Variants in USP43 observed in about 807,000 individuals in gnomAD.
The protein encoded by USP43 is ubiquitin carboxyl-terminal hydrolase 43.
In USP43, 33 loss-of-function variants were observed where a neutral mutation model predicts 90.7. The ratio of observed to expected loss-of-function variants is 0.36; its 90% CI spans 0.28 to 0.49. USP43 has a LOEUF of 0.49. Among genes scored for constraint, USP43 ranks in the 20% least tolerant of loss-of-function variants. The probability of loss-of-function intolerance (pLI) is 0.98; values close to 1 mark genes in which losing one functional copy is unlikely to be tolerated. For synonymous variants in USP43, 598 were observed against 615.8 expected (o/e 0.97, Z 0.43); for missense variants, 1,274 against 1,476.4 (o/e 0.86, Z 2.25).
intron 12 of USP43, among the ~76,000 whole-genome samples, chr17:9,704,750 C>A (rs555005008): frequency 1.3e-5 from 2 of 152,186 alleles, no homozygotes; most frequent in Non-Finnish European, 2.9e-5. Context: ...CTTCCTACCC[C>A]CTGCAACCCC....
rs748910301 is a variant in USP43, at chr17:9,701,533, T to C, written c.1844T>C (p.Met615Thr). Residue 615 changes from methionine to threonine, a missense_variant, in exon 12 of 15, where the codon ATG becomes ACG. Transcript: ENST00000285199. The surrounding 1 kb of genome is among the most constrained non-coding windows in gnomAD (Gnocchi z 7.2). ...LVKFPLSGLNMAPHVAQRSTS... is the reference protein window; with the variant it reads ...LVKFPLSGLNTAPHVAQRSTS... ...AAGTTTCCGCTCTCTGGACTCAACATGGCTCCCCATGTGGCCCAGAGAAGC... is the reference window on the plus strand; with the variant it reads ...AAGTTTCCGCTCTCTGGACTCAACACGGCTCCCCATGTGGCCCAGAGAAGC... 5.7e-6 allele frequency: 9 copies of C among 1,565,640 alleles called. No individual in the cohort carries two copies. In the Admixed American group the frequency reaches 7.7e-5, roughly 13 times the overall value.
chr17:9,724,677 T>C (rs1184677295), intron 14 of USP43, among the ~76,000 whole-genome samples: 2 of 152,186 alleles, frequency 1.3e-5, no homozygotes, highest in East Asian at 3.9e-4. Context: ...CGAGACTCTG[T>C]CTCAAGAAAG....
chr17:9,726,069 A>G (rs1032247369), intron 14 of USP43, among the ~76,000 whole-genome samples: 1 of 152,114 alleles, frequency 6.6e-6, no homozygotes, highest in South Asian at 2.1e-4. Context: ...AAAAAATCAA[A>G]CATTCTTTAT....
intron 2 of USP43, among the ~76,000 whole-genome samples, chr17:9,659,607 C>T (rs181037797): frequency 6.6e-6 from 1 of 152,084 alleles, no homozygotes; most frequent in Non-Finnish European, 1.5e-5. Flanking sequence ...CTCTCCTCTC[C>T]CTGGCTGTAC....
At chr17:9,661,771 C>T (rs1043295557) in intron 2 of USP43, among the ~76,000 whole-genome samples, 1 of 139,166 alleles carries the variant, frequency 7.2e-6, no homozygotes, top group Non-Finnish European at 1.5e-5. Context: ...GAATGACCCC[C>T]TGCTGCCCCT....
At position 9,683,104 on chromosome 17, in the gene USP43, T is replaced by C. The variant is rs1032115966; in HGVS notation, c.1241+146T>C. 3 of 1,107,740 alleles carry C rather than the reference T, an allele frequency of 2.7e-6. No individual in the cohort carries two copies. The African/African-American group carries it at 4.7e-5, about 17-fold the overall frequency. The allele number at this position is 1,107,740 out of a possible 1,614,324, so 68.6% of individuals were successfully genotyped here. ...TAGGGTCCTTTCTGATTAAGAGGAT[T>C]AGAAATATCTGCCTTAAGCATTTGG... is the stretch of plus-strand genomic sequence containing the variant. On this transcript the variant is annotated intron_variant, in intron 7 of 14. Transcript: ENST00000285199.
chr17:9,669,156 C>G (rs375697068), intron 3 of USP43, among the ~76,000 whole-genome samples: 2 of 152,208 alleles, frequency 1.3e-5, no homozygotes, highest in African/African-American at 4.8e-5. Flanking sequence ...GCATCTGTCT[C>G]CTCTTCAGGT....
At chr17:9,699,871 A>G (rs1358335359) in intron 9 of USP43, among the ~76,000 whole-genome samples, 2 of 152,140 alleles carry the variant, frequency 1.3e-5, no homozygotes, top group Admixed American at 1.3e-4. Flanking sequence ...AGACATTGAG[A>G]AGGTAGCTGG....
chr17:9,649,766 T>C (rs893681451), intron 1 of USP43, among the ~76,000 whole-genome samples: 1 of 151,630 alleles, frequency 6.6e-6, no homozygotes, highest in Non-Finnish European at 1.5e-5. Context: ...AATATACTGA[T>C]ACGTTTCAAG....
At chr17:9,707,420 G>A (rs1160084630) in intron 12 of USP43, among the ~76,000 whole-genome samples, 1 of 152,058 alleles carries the variant, frequency 6.6e-6, no homozygotes, top group Non-Finnish European at 1.5e-5. Context: ...GCCGAGGTGG[G>A]CGGACCACGA....
chr17:9,729,041 C>A lies in USP43; in HGVS notation c.*51C>A. The A allele has an allele frequency of 6.9e-7, 1 of 1,452,740 alleles. No individual in the cohort carries two copies. The highest frequency in any genetic ancestry group is 1.4e-5 in the African/African-American group (1 of 69,678). The allele number at this position is 1,452,740 out of a possible 1,614,324, so 90.0% of individuals were successfully genotyped here. A position where few individuals can be genotyped will look rare whatever the true frequency, so the allele number is the denominator to read the frequency against. ...CTGGCATTCTTGGGACTTTGCCAAG[C>A]AACTGTAGGCAGCTCATGTTGAGAA... On this transcript the variant is annotated 3_prime_UTR_variant, in exon 15 of 15. Transcript: ENST00000285199.
At position 9,645,544 on chromosome 17, in the gene USP43, AG is replaced by A; in HGVS notation, c.-87del. ...ACCTGGCCCGCAGGTAGCCGGCACC[AG>A]GAGCCTTAGAGAAGCTGTAGGGCCT... On this transcript the variant is annotated 5_prime_UTR_variant, in exon 1 of 15. Transcript: ENST00000285199. This position sits in a 1 kb window ranked among gnomAD's most constrained non-coding sequence, Gnocchi z 6.8. The A allele has an allele frequency of 8.9e-7, 1 of 1,123,510 alleles. No homozygotes were observed. The highest frequency in any genetic ancestry group is 4.4e-5 in the East Asian group (1 of 22,508). 69.6% of individuals were successfully genotyped at this position (1,123,510 alleles called of 1,614,324 possible).
intron 2 of USP43, among the ~76,000 whole-genome samples, chr17:9,662,453 G>A (rs1912709808): frequency 6.6e-6 from 1 of 152,136 alleles, no homozygotes; most frequent in Admixed American, 6.5e-5. Flanking sequence ...ATGGAACGGG[G>A]GTTCTCCAGG....
chr17:9,655,084 G>GAAAAAAAAAAAAAAAAAAAAAAAAAAAA (rs57985388), intron 1 of USP43, among the ~76,000 whole-genome samples: 1 of 37,326 alleles, frequency 2.7e-5, no homozygotes, highest in African/African-American at 6.7e-5. Context: ...AGAAAGAAAG[G>GAAAAAAAAAAAAAAAAAAAAAAAAAAAA]AAAAAAAAAA....
In USP43 at chr17:9,729,160, C is replaced by A; in HGVS notation, c.*170C>A. On this transcript the variant is annotated 3_prime_UTR_variant, in exon 15 of 15. Coordinates refer to ENST00000285199, the MANE Select transcript of USP43 (RefSeq NM_153210.5). ...TCTCCATATCTAGACTTCCAACACC[C>A]AAGGTCCATATAACCCAAGGTCGAA... The A allele has an allele frequency of 1.9e-6, 1 of 534,302 alleles. No individual in the cohort carries two copies. Among genetic ancestry groups the A allele is most frequent in the Non-Finnish European group, 3.0e-6 (1 of 336,494 alleles). The allele number at this position is 534,302 out of a possible 1,614,324, so 33.1% of individuals were successfully genotyped here.
rs190524163 is a variant in USP43, at chr17:9,671,933, G to A, written c.741-2958G>A. On this transcript the variant is annotated intron_variant, in intron 3 of 14. Coordinates refer to ENST00000285199, the MANE Select transcript of USP43 (RefSeq NM_153210.5). Reference sequence around the variant, plus strand: ...GTCCTGATTTCTGAACCTTTGACACGTGGATGTATTTGACATCTTTCCTAT... The same window carrying A: ...GTCCTGATTTCTGAACCTTTGACACATGGATGTATTTGACATCTTTCCTAT... 4.3e-3 allele frequency among the ~76,000 whole-genome samples: 648 copies of A among 152,290 alleles called. 5 individuals carry two copies. Among genetic ancestry groups the A allele is most frequent in the African/African-American group, 0.012 (518 of 41,564 alleles).
chr17:9,725,427 G>A (rs1597902018), intron 14 of USP43, among the ~76,000 whole-genome samples: 1 of 152,216 alleles, frequency 6.6e-6, no homozygotes, highest in East Asian at 1.9e-4. Context: ...CTCCCCGGGG[G>A]AGGGGTACCA....
At chr17:9,648,290 A>G (rs1020369106) in intron 1 of USP43, among the ~76,000 whole-genome samples, 1 of 152,240 alleles carries the variant, frequency 6.6e-6, no homozygotes, top group Non-Finnish European at 1.5e-5. Context: ...ATTGAAATCT[A>G]GGTGAGCTCT....
chr17:9,668,960 T>G (rs1482582721), intron 3 of USP43, among the ~76,000 whole-genome samples: 1 of 152,010 alleles, frequency 6.6e-6, no homozygotes, highest in Non-Finnish European at 1.5e-5. Flanking sequence ...CTCAGCCTCC[T>G]GAGTAGCTGG....
Sources: gnomAD v4.1 joint callset for allele counts (sites outside exome capture counted in the v4.1 genomes callset) on GRCh38, gnomAD v4.1.1 for gene constraint, Gnocchi (gnomAD v3.1) non-coding constraint, MANE v1.5 for transcripts, NCBI Gene and HGNC (gene_info 2026-07-23, HGNC 2026-07-21) for gene names.